The following RCAN2 variants were observed in gnomAD, a reference collection of about 807,000 sequenced individuals.
RCAN2 encodes regulator of calcineurin 2.
RCAN2 carries 9 observed loss-of-function variants against 23.6 expected under a neutral mutation model. That is an observed-to-expected ratio of 0.38 (90% CI 0.23 to 0.67). The LOEUF is 0.67. Among genes scored for constraint, RCAN2 ranks in the 30% least tolerant of loss-of-function variants. The pLI is 0.51. For missense variants in RCAN2, 273 were observed against 302.3 expected, an observed-to-expected ratio of 0.90 and a Z score of 0.72; for synonymous variants, 109 against 115.7, an observed-to-expected ratio of 0.94 and a Z score of 0.37.
intron 2 of RCAN2, among the ~76,000 whole-genome samples, chr6:46,278,356 T>A (rs1767782611): frequency 6.6e-6 from 1 of 151,946 alleles, no homozygotes; most frequent in Non-Finnish European, 1.5e-5. Flanking sequence ...ATTTTCTTTA[T>A]CCTTTTGTCC....
chr6:46,255,008 T>C (rs2150322226), intron 2 of RCAN2, among the ~76,000 whole-genome samples: 1 of 152,330 alleles, frequency 6.6e-6, no homozygotes, highest in South Asian at 2.1e-4. Context: ...GCTGACACCT[T>C]GGCTTTGGAC....
At chr6:46,437,070 T>C (rs1251678095) in intron 2 of RCAN2, among the ~76,000 whole-genome samples, 1 of 152,214 alleles carries the variant, frequency 6.6e-6, no homozygotes, top group African/African-American at 2.4e-5. Context: ...TATGCTTCAG[T>C]TGGAAAAGCA....
At chr6:46,331,884 C>T (rs973501707) in intron 2 of RCAN2, among the ~76,000 whole-genome samples, 2 of 152,136 alleles carry the variant, frequency 1.3e-5, no homozygotes, top group Admixed American at 6.6e-5. Flanking sequence ...TCTTTCACAC[C>T]AGATATCTTC....
At chr6:46,308,864 T>C (rs1240169454) in intron 2 of RCAN2, among the ~76,000 whole-genome samples, 1 of 152,002 alleles carries the variant, frequency 6.6e-6, no homozygotes, top group Non-Finnish European at 1.5e-5. Context: ...TCAATAAGGA[T>C]TGAGGGCTCC....
At chr6:46,438,114 A>G (rs1767424404) in intron 2 of RCAN2, among the ~76,000 whole-genome samples, 1 of 152,198 alleles carries the variant, frequency 6.6e-6, no homozygotes, top group Admixed American at 6.5e-5. Context: ...ATCCTTTCAA[A>G]AAAGGCCCTG....
intron 2 of RCAN2, among the ~76,000 whole-genome samples, chr6:46,273,463 A>G (rs1410331319): frequency 1.3e-5 from 2 of 152,212 alleles, no homozygotes; most frequent in Non-Finnish European, 2.9e-5. Context: ...TAACCCTCTG[A>G]GGTACACAGA....
At position 46,277,275 on chromosome 6, in the gene RCAN2, A is replaced by G. The variant is rs528193972; in HGVS notation, c.226-28379T>C. On this transcript the variant is annotated intron_variant, in intron 2 of 4. Coordinates refer to ENST00000371374, the MANE Select transcript of RCAN2 (RefSeq NM_001251974.2). ...TTTACCTGATCTTGTTAATTTTCCT[A>G]TTAGGAAGCCCAGTGATCTGGGTAA... Among the ~76,000 whole-genome samples, 4 of 152,330 alleles carry G rather than the reference A, an allele frequency of 2.6e-5. No homozygotes were observed. The South Asian group carries it at 6.2e-4, about 24-fold the overall frequency.
chr6:46,220,753 T>C lies in RCAN2; in HGVS notation c.*2388A>G, dbSNP rs1256627839. The C allele has an allele frequency of 1.3e-5, 2 of 152,632 alleles. No individual in the cohort carries two copies. Among genetic ancestry groups the C allele is most frequent in the African/African-American group, 4.8e-5 (2 of 41,452 alleles). The allele number at this position is 152,632 out of a possible 1,614,324, so 9.5% of individuals were successfully genotyped here. ...GACAAAGAGTCATTCACCAGATATA[T>C]TTGAAGTCTAAGCTCTTTGAGCTAT... On this transcript the variant is annotated 3_prime_UTR_variant, in exon 5 of 5. Transcript: ENST00000371374.
chr6:46,259,288 T>C (rs1767031818), intron 2 of RCAN2, among the ~76,000 whole-genome samples: 1 of 152,140 alleles, frequency 6.6e-6, no homozygotes, highest in Admixed American at 6.5e-5. Flanking sequence ...CTTTTGCAAA[T>C]TTTGCAAAAA....
intron 1 of RCAN2, chr6:46,468,929 T>C: frequency 1.2e-6 from 1 of 812,868 alleles, no homozygotes; most frequent in Non-Finnish European, 1.5e-6. Flanking sequence ...GTTAGCACAA[T>C]TTGCTCTTGA....
intron 2 of RCAN2, among the ~76,000 whole-genome samples, chr6:46,292,093 TA>T (rs1762580386): frequency 6.6e-6 from 1 of 152,198 alleles, no homozygotes; most frequent in Non-Finnish European, 1.5e-5. Flanking sequence ...CTTCTTACAC[TA>T]AATTGTAATT....
At chr6:46,454,518 T>C (rs1308516325) in intron 2 of RCAN2, among the ~76,000 whole-genome samples, 4 of 151,966 alleles carry the variant, frequency 2.6e-5, no homozygotes, top group Non-Finnish European at 5.9e-5. Flanking sequence ...CTAAAGACTG[T>C]CCACAAAAGG....
At chr6:46,353,871 T>A (rs563711750) in intron 2 of RCAN2, among the ~76,000 whole-genome samples, 5 of 152,294 alleles carry the variant, frequency 3.3e-5, no homozygotes, top group African/African-American at 1.2e-4. Flanking sequence ...TATCTTACCA[T>A]GTTATCAGGC....
intron 2 of RCAN2, among the ~76,000 whole-genome samples, chr6:46,268,316 G>T (rs1451119727): frequency 6.6e-6 from 1 of 152,152 alleles, no homozygotes; most frequent in African/African-American, 2.4e-5. Context: ...TGAACTTCCA[G>T]GTTCCTAATT....
At chr6:46,230,578 G>C (rs6921739) in intron 4 of RCAN2, among the ~76,000 whole-genome samples, 1 of 152,322 alleles carries the variant, frequency 6.6e-6, no homozygotes, top group African/African-American at 2.4e-5. Flanking sequence ...CTCCAAGCCA[G>C]GCACAGGATA....
intron 2 of RCAN2, among the ~76,000 whole-genome samples, chr6:46,408,719 TAA>T (rs760678507): frequency 2.0e-5 from 3 of 152,046 alleles, no homozygotes; most frequent in Admixed American, 1.3e-4. Flanking sequence ...TACCAGACAA[TAA>T]GGAATAATAA....
At chr6:46,467,321 A>C (rs1004637341) in intron 1 of RCAN2, among the ~76,000 whole-genome samples, 6 of 152,150 alleles carry the variant, frequency 3.9e-5, no homozygotes, top group Non-Finnish European at 7.3e-5. Context: ...CAAATCACTT[A>C]ATCTCTGTGT....
At chr6:46,259,711 C>G in intron 2 of RCAN2, among the ~76,000 whole-genome samples, 1 of 152,292 alleles carries the variant, frequency 6.6e-6, no homozygotes, top group African/African-American at 2.4e-5. Flanking sequence ...TCCAAGACTG[C>G]CCCACTTTGG....
At chr6:46,409,131 C>T (rs1241231223) in intron 2 of RCAN2, among the ~76,000 whole-genome samples, 1 of 151,956 alleles carries the variant, frequency 6.6e-6, no homozygotes, top group East Asian at 1.9e-4. Flanking sequence ...GGGGAAGACA[C>T]AAATATTAAC....
Sources: allele counts gnomAD v4.1 joint callset (sites outside exome capture counted in the v4.1 genomes callset), GRCh38; gene constraint gnomAD v4.1.1; transcripts MANE v1.5; gene names NCBI Gene and HGNC (gene_info 2026-07-23, HGNC 2026-07-21).